The following PNPLA7 variants were observed in gnomAD, a reference collection of about 807,000 sequenced individuals.
PNPLA7 encodes the protein patatin-like phospholipase domain-containing protein 7.
Under a neutral mutation model 161.7 loss-of-function variants are expected in PNPLA7, and 153 were observed. That is an observed-to-expected ratio of 0.95 (90% CI 0.83 to 1.08). PNPLA7 has a LOEUF of 1.08. Ranked by LOEUF, PNPLA7 falls within the 50% of genes least tolerant of loss-of-function variation. PNPLA7 has a pLI of 0.00. For missense variants in PNPLA7, 1,739 were observed against 1,856.6 expected (o/e 0.94, Z 1.16); for synonymous variants, 809 against 782.1 (o/e 1.03, Z -0.57).
chr9:137,546,050 T>C (rs1213971435), intron 4 of PNPLA7, among the ~76,000 whole-genome samples: 1 of 152,194 alleles, frequency 6.6e-6, no homozygotes. Flanking sequence ...CCTGTGATGC[T>C]GTGCTTCAGT....
chr9:137,537,363 G>A lies in PNPLA7; in HGVS notation c.747+3279C>T, dbSNP rs1429548817. Among the ~76,000 whole-genome samples, 1 of 151,922 alleles carries A rather than the reference G, an allele frequency of 6.6e-6. No homozygotes were observed. The highest frequency in any genetic ancestry group is 2.4e-5 in the African/African-American group (1 of 41,318). Reference sequence around the variant, plus strand: ...AGTTGGAGTGTCACTCTGTCACCAGGCTGGAGTGCAGTGGCACAATCTCAG... The same window carrying A: ...AGTTGGAGTGTCACTCTGTCACCAGACTGGAGTGCAGTGGCACAATCTCAG... On this transcript the variant is annotated intron_variant, in intron 8 of 34. Coordinates refer to ENST00000406427, the MANE Select transcript of PNPLA7 (RefSeq NM_001098537.3). The surrounding 1 kb of genome is among the most constrained non-coding windows in gnomAD (Gnocchi z 4.5).
chr9:137,505,680 G>A lies in PNPLA7; in HGVS notation c.1407C>T (p.Ala469=). Residue 469 remains alanine (A), a synonymous_variant, in exon 14 of 35, where the codon GCC becomes GCT. Transcript: ENST00000406427. The part of the protein sequence containing the change: ...HSESHTDETL[A]SRKSDAIFRA... Reference sequence around the variant, plus strand: ...TGAAGATGGCATCCGACTTCCTGCTGGCCAGGGTCTCATCCGTGTGACTCT... The same window carrying A: ...TGAAGATGGCATCCGACTTCCTGCTAGCCAGGGTCTCATCCGTGTGACTCT... 6.2e-7 allele frequency: 1 copy of A among 1,614,118 alleles called. No homozygotes were observed. Among genetic ancestry groups the A allele is most frequent in the Non-Finnish European group, 8.5e-7 (1 of 1,180,026 alleles).
At chr9:137,505,026 T>C (rs1833836435) in intron 14 of PNPLA7, among the ~76,000 whole-genome samples, 1 of 151,984 alleles carries the variant, frequency 6.6e-6, no homozygotes, top group Admixed American at 6.6e-5. Flanking sequence ...CCGTCTCTAC[T>C]AAAAATACAA....
At chr9:137,494,908 G>A (rs1188252685) in intron 19 of PNPLA7, 125 bp downstream of exon 19, 1 of 854,674 alleles carries the variant, frequency 1.2e-6, no homozygotes. Flanking sequence ...CACCTGCTCT[G>A]CGCTCTCACC....
chr9:137,478,425 C>A (rs953031639), intron 24 of PNPLA7: 7 of 316,132 alleles, frequency 2.2e-5, no homozygotes, highest in Non-Finnish European at 4.0e-5. Flanking sequence ...AGAGTGGGCC[C>A]GGGTGGGGGG....
chr9:137,504,112 AGAAGAAGAAGAAAAAAG>A (rs1194919392), intron 14 of PNPLA7, among the ~76,000 whole-genome samples: 1 of 149,126 alleles, frequency 6.7e-6, no homozygotes, highest in Non-Finnish European at 1.5e-5. Flanking sequence ...GAAGAAAGAA[AGAAGAAGAAGAAAAAAG>A]GAAGAAGAAA....
At chr9:137,461,663 C>T in intron 32 of PNPLA7, 43 bp from the exon 33 acceptor site, 1 of 1,532,338 alleles carries the variant, frequency 6.5e-7, no homozygotes, top group South Asian at 1.2e-5. Flanking sequence ...TGGACACCCG[C>T]CTGCCAGTCC....
chr9:137,469,324 T>C (rs1831611740), intron 25 of PNPLA7, among the ~76,000 whole-genome samples: 1 of 152,172 alleles, frequency 6.6e-6, no homozygotes, highest in Admixed American at 6.5e-5. Flanking sequence ...AAACATGGGA[T>C]CTGGCACCAA....
At chr9:137,546,414 C>A (rs1294902620) in intron 4 of PNPLA7, among the ~76,000 whole-genome samples, 1 of 152,020 alleles carries the variant, frequency 6.6e-6, no homozygotes, top group Non-Finnish European at 1.5e-5. Flanking sequence ...GCTGTCTTTT[C>A]TTTTATCTTT....
At position 137,468,591 on chromosome 9, in the gene PNPLA7, T is replaced by C. The variant is rs1212114476; in HGVS notation, c.2883-1118A>G. ...GCTCTCTGTCCCCACCGAAATCTCA[T>C]GTTGAATTTTAATCCTCAGTGTTGG... On this transcript the variant is annotated intron_variant, in intron 25 of 34. Coordinates refer to ENST00000406427, the MANE Select transcript of PNPLA7 (RefSeq NM_001098537.3). This position sits in a 1 kb window ranked among gnomAD's most constrained non-coding sequence, Gnocchi z 4.0. 2.0e-5 allele frequency among the ~76,000 whole-genome samples: 3 copies of C among 152,002 alleles called. No individual in the cohort carries two copies. Among genetic ancestry groups the C allele is most frequent in the Non-Finnish European group, 2.9e-5 (2 of 67,998 alleles).
At chr9:137,465,509 G>A (rs551867398) in intron 26 of PNPLA7, among the ~76,000 whole-genome samples, 6 of 152,344 alleles carry the variant, frequency 3.9e-5, no homozygotes, top group Non-Finnish European at 7.3e-5. Context: ...GCCCATGGCG[G>A]GTTCTGTCCC....
Position 137,494,892 on chromosome 9 carries a change from C to T in PNPLA7, c.2127+141G>A, listed in dbSNP as rs559690228. On this transcript the variant is annotated intron_variant, in intron 19 of 34. Transcript: ENST00000406427. Reference sequence around the variant, plus strand: ...CTGCTCCGTGACCTCATCCACTCCGCGCCTTCACCTGCTCTGCGCTCTCAC... The same window carrying T: ...CTGCTCCGTGACCTCATCCACTCCGTGCCTTCACCTGCTCTGCGCTCTCAC... The T allele has an allele frequency of 5.8e-5, 43 of 740,164 alleles. No individual in the cohort carries two copies. In the Middle Eastern group the frequency reaches 1.2e-3, roughly 21 times the overall value. The allele number at this position is 740,164 out of a possible 1,614,324, so 45.8% of individuals were successfully genotyped here. A position where few individuals can be genotyped will look rare whatever the true frequency, so the allele number is the denominator to read the frequency against.
Position 137,521,708 on chromosome 9 carries a change from CATG to C in PNPLA7, c.882_884del (p.Ile294del), listed in dbSNP as rs1835000508. On this transcript the variant is annotated inframe_deletion, in exon 10 of 35. Transcript: ENST00000406427. ...GAAAGGTCACCCTCTGCAGCCGCAC[CATG>C]ATGATCTGCAAGAACACGCCAGCTG... is the stretch of plus-strand genomic sequence containing the variant. 1 of 1,610,602 alleles carries C rather than the reference CATG, an allele frequency of 6.2e-7. No individual in the cohort carries two copies. The highest frequency in any genetic ancestry group is 1.3e-5 in the African/African-American group (1 of 75,012).
intron 8 of PNPLA7, among the ~76,000 whole-genome samples, chr9:137,527,867 G>A (rs1835378990): frequency 6.6e-6 from 1 of 152,220 alleles, no homozygotes; most frequent in East Asian, 1.9e-4. Context: ...ATTCCCCAGT[G>A]AAGTCATCTA....
chr9:137,533,974 C>A (rs896780273), intron 8 of PNPLA7, among the ~76,000 whole-genome samples: 3 of 148,500 alleles, frequency 2.0e-5, no homozygotes, highest in African/African-American at 7.5e-5. Context: ...GAATCCTCCA[C>A]AACAGTGTAT....
At chr9:137,497,730 T>C (rs1215117095) in intron 17 of PNPLA7, among the ~76,000 whole-genome samples, 1 of 152,124 alleles carries the variant, frequency 6.6e-6, no homozygotes, top group Admixed American at 6.5e-5. Flanking sequence ...GTTTCACCCA[T>C]GTTGGCAAGG....
chr9:137,490,816 A>C lies in PNPLA7; in HGVS notation c.2197+2197T>G, dbSNP rs1588585901. On this transcript the variant is annotated intron_variant, in intron 20 of 34. Coordinates refer to ENST00000406427, the MANE Select transcript of PNPLA7 (RefSeq NM_001098537.3). This position sits in a 1 kb window ranked among gnomAD's most constrained non-coding sequence, Gnocchi z 4.1. ...AAATCATGTTTGATGGCTGAAAGCG[A>C]AAGTTGTAGCCCTGTGTTTTTGGGG... is the stretch of plus-strand genomic sequence containing the variant. Among the ~76,000 whole-genome samples the C allele has an allele frequency of 1.3e-5, 2 of 152,210 alleles. No homozygotes were observed. The highest frequency in any genetic ancestry group is 4.1e-4 in the South Asian group (2 of 4,836).
chr9:137,488,207 G>A lies in PNPLA7; in HGVS notation c.2198-3471C>T, dbSNP rs565502890. On this transcript the variant is annotated intron_variant, in intron 20 of 34. Coordinates refer to ENST00000406427, the MANE Select transcript of PNPLA7 (RefSeq NM_001098537.3). ...TCTCGTCCCGAGCTTCGGCCCGAAC[G>A]CGGCTCTCGCGGTCTGATGTCTCGT... 7.9e-5 allele frequency among the ~76,000 whole-genome samples: 12 copies of A among 152,322 alleles called. No individual in the cohort carries two copies. The South Asian group carries it at 2.3e-3, about 29-fold the overall frequency.
rs965049690 is a variant in PNPLA7 at position 137,492,284 on chromosome 9, A to G, written c.2197+729T>C. 5 of 985,150 alleles carry G rather than the reference A, an allele frequency of 5.1e-6. No homozygotes were observed. In the African/African-American group the frequency reaches 7.0e-5, roughly 14 times the overall value. 61.0% of individuals were successfully genotyped at this position (985,150 alleles called of 1,614,324 possible). A position where few individuals can be genotyped will look rare whatever the true frequency, so the allele number is the denominator to read the frequency against. ...AGAGAGAGCACTCTCCGCTCCACCA[A>G]TACCGTTTCCGGAGGTTTCACCCTG... On this transcript the variant is annotated intron_variant, in intron 20 of 34. Coordinates refer to ENST00000406427, the MANE Select transcript of PNPLA7 (RefSeq NM_001098537.3).
Sources: gnomAD v4.1 joint callset for allele counts (sites outside exome capture counted in the v4.1 genomes callset) on GRCh38, gnomAD v4.1.1 for gene constraint, Gnocchi (gnomAD v3.1) non-coding constraint, MANE v1.5 for transcripts, NCBI Gene and HGNC (gene_info 2026-07-23, HGNC 2026-07-21) for gene names.